The following SAMD5 variants were observed in gnomAD, a reference collection of about 807,000 sequenced individuals.
SAMD5 encodes the protein sterile alpha motif domain-containing protein 5.
A neutral mutation model predicts 11.3 loss-of-function variants in SAMD5; 13 were observed. The observed-to-expected ratio is 1.15, with a 90% CI of 0.75 to 1.83. SAMD5 has a LOEUF of 1.83. SAMD5 is among the 40% of genes most tolerant of loss of function. The pLI is 0.00. For synonymous variants in SAMD5, 129 were observed against 111.3 expected (o/e 1.16, Z -1.00); for missense variants, 255 against 239.1 (o/e 1.07, Z -0.44).
the SAMD5 span, among the ~76,000 whole-genome samples, chr6:147,811,931 T>A: frequency 2.0e-5 from 3 of 151,782 alleles, no homozygotes; most frequent in Non-Finnish European, 2.9e-5. Context: ...ATCCAAAAGG[T>A]GTTTAGGTTG....
intron 1 of SAMD5, among the ~76,000 whole-genome samples, chr6:147,650,818 G>C (rs1464102241): frequency 6.6e-6 from 1 of 152,074 alleles, no homozygotes; most frequent in Non-Finnish European, 1.5e-5. Context: ...GCTCCAGTAG[G>C]GCATCCAGGC....
chr6:147,721,508 T>G (rs1791551170), intron 1 of SAMD5, among the ~76,000 whole-genome samples: 2 of 152,264 alleles, frequency 1.3e-5, no homozygotes, highest in Admixed American at 6.5e-5. Context: ...TTTTGAGAAG[T>G]GTCTGTTCAT....
the SAMD5 span, among the ~76,000 whole-genome samples, chr6:147,882,900 C>T: frequency 6.6e-6 from 1 of 152,160 alleles, no homozygotes; most frequent in Non-Finnish European, 1.5e-5. Flanking sequence ...GTCAGATAAA[C>T]ATTTCTTGAG....
At chr6:147,720,944 C>T (rs1480549063) in intron 1 of SAMD5, among the ~76,000 whole-genome samples, 25 of 134,440 alleles carry the variant, frequency 1.9e-4, no homozygotes, top group African/African-American at 6.6e-4. Context: ...TGAGAATATG[C>T]GGCGTTTGGT....
intron 1 of SAMD5, among the ~76,000 whole-genome samples, chr6:147,585,802 C>G (rs866632102): frequency 6.6e-6 from 1 of 152,102 alleles, no homozygotes; most frequent in Non-Finnish European, 1.5e-5. Flanking sequence ...CTTAAGACCT[C>G]GTGCCATTTC....
rs189000770 is a variant in SAMD5 at position 147,538,988 on chromosome 6, G to A, written c.460-25406G>A. 1.8e-3 allele frequency among the ~76,000 whole-genome samples: 268 copies of A among 152,200 alleles called. 2 individuals are homozygous for A. Among genetic ancestry groups the A allele is most frequent in the African/African-American group, 6.1e-3 (254 of 41,534 alleles). ...TACATACAGGCAGACAGAAGATTCG[G>A]CACTTAGAAGATTTTTCATTTGCCA... On this transcript the variant is annotated intron_variant, in intron 1 of 1. Transcript: ENST00000367474.
chr6:147,586,746 C>T (rs371929704), intron 1 of SAMD5, among the ~76,000 whole-genome samples: 4 of 151,532 alleles, frequency 2.6e-5, no homozygotes, highest in Admixed American at 2.0e-4. Context: ...AAAGCGCCTA[C>T]GGTAGCCAAA....
At chr6:147,644,205 T>C (rs1790360821) in intron 1 of SAMD5, among the ~76,000 whole-genome samples, 3 of 152,146 alleles carry the variant, frequency 2.0e-5, no homozygotes, top group African/African-American at 4.8e-5. Context: ...AAAACTGTTT[T>C]TAAAAAACAA....
chr6:147,628,546 A>G (rs1174124997), intron 1 of SAMD5, among the ~76,000 whole-genome samples: 3 of 152,196 alleles, frequency 2.0e-5, no homozygotes, highest in African/African-American at 4.8e-5. Context: ...AGGACAGTCT[A>G]TCTGAATCTC....
At chr6:147,807,460 C>T in the SAMD5 span, among the ~76,000 whole-genome samples, 1 of 152,130 alleles carries the variant, frequency 6.6e-6, no homozygotes, top group Admixed American at 6.5e-5. Flanking sequence ...GCAACCGAAG[C>T]AGATGAATAC....
At chr6:147,633,419 A>G (rs1370691119) in intron 1 of SAMD5, among the ~76,000 whole-genome samples, 4 of 152,078 alleles carry the variant, frequency 2.6e-5, no homozygotes, top group Non-Finnish European at 5.9e-5. Flanking sequence ...AGCCAATGAC[A>G]TTATTAGCTT....
the SAMD5 span, among the ~76,000 whole-genome samples, chr6:147,834,925 T>C: frequency 6.6e-6 from 1 of 152,156 alleles, no homozygotes; most frequent in Admixed American, 6.5e-5. Flanking sequence ...ATTTTATCTT[T>C]TGACACAGAA....
At chr6:147,799,688 C>G in the SAMD5 span, among the ~76,000 whole-genome samples, 1,642 of 150,980 alleles carry the variant, frequency 0.011, 39 homozygotes, top group African/African-American at 0.038. Context: ...CCATTCTCCC[C>G]ATCACTTTCA....
At chr6:147,894,932 C>T in the SAMD5 span, among the ~76,000 whole-genome samples, 2 of 152,166 alleles carry the variant, frequency 1.3e-5, no homozygotes, top group Admixed American at 1.3e-4. Flanking sequence ...GATTCATTAG[C>T]ATTTCGGTAA....
rs1200767905 is a variant in SAMD5, at chr6:147,565,962, C to G, written c.*1506C>G. The G allele has an allele frequency of 1.0e-6, 1 of 984,738 alleles. No individual in the cohort carries two copies. The highest frequency in any genetic ancestry group is 1.2e-6 in the Non-Finnish European group (1 of 829,506). The allele number at this position is 984,738 out of a possible 1,614,324, so 61.0% of individuals were successfully genotyped here. ...ACAAGATGTAAGTTCCCATCGGCAC[C>G]GTCATGGTAAGAAGAATAAGAAACT... On this transcript the variant is annotated 3_prime_UTR_variant, in exon 2 of 2. Transcript: ENST00000367474.
At chr6:147,632,263 A>T (rs1790162556) in intron 1 of SAMD5, among the ~76,000 whole-genome samples, 1 of 152,252 alleles carries the variant, frequency 6.6e-6, no homozygotes, top group South Asian at 2.1e-4. Context: ...TTTATTAAAG[A>T]GGAATTAATG....
At chr6:147,938,549 C>A in the SAMD5 span, among the ~76,000 whole-genome samples, 1 of 152,182 alleles carries the variant, frequency 6.6e-6, no homozygotes, top group Non-Finnish European at 1.5e-5. Flanking sequence ...CAGCACCCAT[C>A]CTCATTCGCT....
intron 1 of SAMD5, among the ~76,000 whole-genome samples, chr6:147,558,818 C>T (rs1788899343): frequency 2.0e-5 from 3 of 152,254 alleles, no homozygotes; most frequent in East Asian, 1.9e-4. Context: ...TCATCTACTC[C>T]GACCCAGGTG....
intron 1 of SAMD5, among the ~76,000 whole-genome samples, chr6:147,709,148 T>C (rs1791363515): frequency 6.6e-6 from 1 of 152,222 alleles, no homozygotes; most frequent in African/African-American, 2.4e-5. Flanking sequence ...TCAAGATAAA[T>C]AAGTATTATT....
Sources: allele counts gnomAD v4.1 joint callset (sites outside exome capture counted in the v4.1 genomes callset), GRCh38; gene constraint gnomAD v4.1.1; transcripts MANE v1.5; gene names NCBI Gene and HGNC (gene_info 2026-07-23, HGNC 2026-07-21).